Variants in CD74 observed in about 807,000 individuals in gnomAD.
CD74 encodes HLA class II histocompatibility antigen gamma chain.
A neutral mutation model predicts 37.1 loss-of-function variants in CD74; 20 were observed. The ratio of observed to expected loss-of-function variants is 0.54; its 90% CI spans 0.38 to 0.78. The LOEUF is 0.78. Among genes scored for constraint, CD74 ranks in the 30% least tolerant of loss-of-function variants. The pLI is 0.00. For synonymous variants in CD74, 150 were observed against 152.0 expected (o/e 0.99, Z 0.10); for missense variants, 338 against 389.5 (o/e 0.87, Z 1.11).
chr5:150,401,721 G>T lies in CD74; in HGVS notation c.*519C>A. 1 of 580,836 alleles carries T rather than the reference G, an allele frequency of 1.7e-6. No homozygotes were observed. Among genetic ancestry groups the T allele is most frequent in the African/African-American group, 1.9e-5 (1 of 53,646 alleles). 36.0% of individuals were successfully genotyped at this position (580,836 alleles called of 1,614,324 possible). ...CTTGGCTGAGCAGAGGGAACTAGGG[G>T]TCGGCAGAAAGGATTATGGGTGGAA... On this transcript the variant is annotated 3_prime_UTR_variant, in exon 9 of 9. Coordinates refer to ENST00000009530, the MANE Select transcript of CD74 (RefSeq NM_001025159.3).
rs2151170662 is a variant in CD74, at chr5:150,403,385, C to T, written c.626-73G>A. ...ACCAGGGTCTGAGCAGAGCTAAAGA[C>T]CCACACACCACTGCTGTGGGCTTAA... On this transcript the variant is annotated intron_variant, in intron 6 of 8. Coordinates refer to ENST00000009530, the MANE Select transcript of CD74 (RefSeq NM_001025159.3). The surrounding 1 kb of genome is among the most constrained non-coding windows in gnomAD (Gnocchi z 4.5). 7.5e-7 allele frequency: 1 copy of T among 1,327,016 alleles called. No homozygotes were observed. 82.2% of individuals were successfully genotyped at this position (1,327,016 alleles called of 1,614,324 possible).
chr5:150,403,637 T>A lies in CD74; in HGVS notation c.626-325A>T, dbSNP rs553723780. On this transcript the variant is annotated intron_variant, in intron 6 of 8. Coordinates refer to ENST00000009530, the MANE Select transcript of CD74 (RefSeq NM_001025159.3). This position sits in a 1 kb window ranked among gnomAD's most constrained non-coding sequence, Gnocchi z 4.5. ...ACTTTGGGAGGCCGAGGTGGGCGGA[T>A]CACTTGAGGTCAGGAGTTCAAGACC... is the stretch of plus-strand genomic sequence containing the variant. Among the ~76,000 whole-genome samples, 8 of 152,308 alleles carry A rather than the reference T, an allele frequency of 5.3e-5. No individual in the cohort carries two copies. In the South Asian group the frequency reaches 1.7e-3, roughly 32 times the overall value.
In CD74 at chr5:150,403,049, A is replaced by AG; in HGVS notation, c.817+71dup. 2 of 1,353,772 alleles carry AG rather than the reference A, an allele frequency of 1.5e-6. No individual in the cohort carries two copies. The highest frequency in any genetic ancestry group is 2.0e-6 in the Non-Finnish European group (2 of 977,626). The allele number at this position is 1,353,772 out of a possible 1,614,324, so 83.9% of individuals were successfully genotyped here. ...GGTGTCCTGGTCCCATGTGCTTCAG[A>AG]GGGGACCTCTTGCCCCTCAACCTTC... On this transcript the variant is annotated intron_variant, in intron 7 of 8. Transcript: ENST00000009530. This position sits in a 1 kb window ranked among gnomAD's most constrained non-coding sequence, Gnocchi z 4.5.
chr5:150,406,007 G>A (rs1436236463), intron 4 of CD74: 3 of 372,982 alleles, frequency 8.0e-6, no homozygotes, highest in African/African-American at 4.1e-5. Flanking sequence ...CTGGCCTCAG[G>A]TGATCTGCCT....
intron 3 of CD74, 26 bp from the exon 4 acceptor site, chr5:150,406,347 A>G (rs1226421605): frequency 1.1e-5 from 17 of 1,600,262 alleles, no homozygotes; most frequent in Non-Finnish European, 1.5e-5. Context: ...ACAGAAGGTT[A>G]CCAGAGCTGG....
chr5:150,409,711 A>C (rs1244918516), intron 1 of CD74, among the ~76,000 whole-genome samples: 1 of 150,224 alleles, frequency 6.7e-6, no homozygotes, highest in African/African-American at 2.4e-5. Context: ...TAACAAAAAA[A>C]AAAAAAAAAA....
intron 6 of CD74, among the ~76,000 whole-genome samples, chr5:150,404,065 C>T (rs901008186): frequency 3.3e-5 from 5 of 152,156 alleles, no homozygotes; most frequent in African/African-American, 1.2e-4. Context: ...ATGTAAGGTG[C>T]CTTCTATGAA....
At position 150,402,589 on chromosome 5, in the gene CD74, C is replaced by G. The variant is rs1405565809; in HGVS notation, c.854G>C (p.Gly285Ala). ...TGGGCCCAGATCCTGCTTGGTCACA[C>G]CCAGCCCAGAAGACGGGTCCTCCAG... is the stretch of plus-strand genomic sequence containing the variant. ...LELEDPSSGL[G>A]VTKQDLGPVP... Residue 285 changes from glycine to alanine, a missense_variant, in exon 8 of 9, where the codon GGT becomes GCT. Physicochemically the swap from Gly to Ala is moderately conservative, Grantham distance 60. Coordinates refer to ENST00000009530, the MANE Select transcript of CD74 (RefSeq NM_001025159.3). This position sits in a 1 kb window ranked among gnomAD's most constrained non-coding sequence, Gnocchi z 4.2. The G allele has an allele frequency of 2.5e-6, 4 of 1,613,770 alleles. No homozygotes were observed. The highest frequency in any genetic ancestry group is 3.4e-6 in the Non-Finnish European group (4 of 1,179,844).
In CD74 at chr5:150,403,634, G is replaced by A. The variant is rs1459517929; in HGVS notation, c.626-322C>T. ...AGCACTTTGGGAGGCCGAGGTGGGC[G>A]GATCACTTGAGGTCAGGAGTTCAAG... On this transcript the variant is annotated intron_variant, in intron 6 of 8. Coordinates refer to ENST00000009530, the MANE Select transcript of CD74 (RefSeq NM_001025159.3). The surrounding 1 kb of genome is among the most constrained non-coding windows in gnomAD (Gnocchi z 4.5). 2.0e-5 allele frequency among the ~76,000 whole-genome samples: 3 copies of A among 152,140 alleles called. No individual in the cohort carries two copies. The highest frequency in any genetic ancestry group is 4.4e-5 in the Non-Finnish European group (3 of 68,010).
At position 150,407,038 on chromosome 5, in the gene CD74, G is replaced by T. The variant is rs1462768663; in HGVS notation, c.299-78C>A. The T allele has an allele frequency of 6.5e-7, 1 of 1,534,374 alleles. No homozygotes were observed. Among genetic ancestry groups the T allele is most frequent in the Non-Finnish European group, 8.9e-7 (1 of 1,122,334 alleles). ...TATCAGACCCAGATGAGGAAGGGCT[G>T]GAATTCCAAACCGGAGGGAGAGGAC... On this transcript the variant is annotated intron_variant, in intron 2 of 8. Transcript: ENST00000009530. The surrounding 1 kb of genome is among the most constrained non-coding windows in gnomAD (Gnocchi z 4.4).
At chr5:150,412,098 G>A (rs1770372861) in intron 1 of CD74, among the ~76,000 whole-genome samples, 1 of 152,192 alleles carries the variant, frequency 6.6e-6, no homozygotes, top group African/African-American at 2.4e-5. Flanking sequence ...CCAAGTAGGT[G>A]GGATTACAGG....
chr5:150,401,751 T>C lies in CD74; in HGVS notation c.*489A>G. 1 of 596,910 alleles carries C rather than the reference T, an allele frequency of 1.7e-6. No homozygotes were observed. The highest frequency in any genetic ancestry group is 3.0e-6 in the Non-Finnish European group (1 of 334,816). 37.0% of individuals were successfully genotyped at this position (596,910 alleles called of 1,614,324 possible). On this transcript the variant is annotated 3_prime_UTR_variant, in exon 9 of 9. Transcript: ENST00000009530. ...CAGAAAGGATTATGGGTGGAAAACA[T>C]TGGCTCTTCCTTGGGGAGTGATGCT...
intron 1 of CD74, among the ~76,000 whole-genome samples, chr5:150,412,403 G>A (rs1770396334): frequency 2.0e-5 from 3 of 152,248 alleles, no homozygotes; most frequent in Admixed American, 2.0e-4. Flanking sequence ...TGCAAGGAAA[G>A]TTACAAACTC....
intron 4 of CD74, chr5:150,405,761 TTTTTTA>T (rs1357618975): frequency 6.4e-6 from 1 of 155,936 alleles, no homozygotes; most frequent in Non-Finnish European, 1.4e-5. Flanking sequence ...CTCAGTTTCT[TTTTTTA>T]TTTTTATTTT....
intron 1 of CD74, among the ~76,000 whole-genome samples, chr5:150,409,370 T>C (rs1770195048): frequency 6.6e-6 from 1 of 150,552 alleles, no homozygotes; most frequent in African/African-American, 2.5e-5. Flanking sequence ...CTACTAAAAA[T>C]GCAAAAATTA....
At chr5:150,406,238 C>T (rs1468790864) in intron 4 of CD74, 21 bp downstream of exon 4, 1 of 1,608,418 alleles carries the variant, frequency 6.2e-7, no homozygotes, top group Admixed American at 1.7e-5. Context: ...CAGGACCACC[C>T]AGCTAGCTCC....
At position 150,408,919 on chromosome 5, in the gene CD74, T is replaced by A. The variant is rs559752537; in HGVS notation, c.126-1595A>T. Among the ~76,000 whole-genome samples, 4 of 152,186 alleles carry A rather than the reference T, an allele frequency of 2.6e-5. No individual in the cohort carries two copies. The East Asian group carries it at 7.7e-4, about 29-fold the overall frequency. On this transcript the variant is annotated intron_variant, in intron 1 of 8. Coordinates refer to ENST00000009530, the MANE Select transcript of CD74 (RefSeq NM_001025159.3). The stretch of plus-strand genomic sequence containing the variant: ...CTGCCTTCCACCATATGAGGACACA[T>A]CAAGGAAGCCCCTCACCAGGCTGGG...
Position 150,406,281 on chromosome 5 carries a change from T to C in CD74, c.419A>G (p.Asp140Gly). The change falls in exon 4 of 9, where the codon GAC becomes GGC. Residue 140 changes from aspartate to glycine, a missense_variant. By Grantham distance (94) the Asp-to-Gly change is moderately conservative. Coordinates refer to ENST00000009530, the MANE Select transcript of CD74 (RefSeq NM_001025159.3). Reference protein sequence around the residue: ...NATKYGNMTEDHVMHLLQNAD... With the variant: ...NATKYGNMTEGHVMHLLQNAD... ...CACCTGGAGCAGGTGCATCACATGG[T>C]CCTCTGTCATGTTGCCATACTTGGT... 1 of 1,613,906 alleles carries C rather than the reference T, an allele frequency of 6.2e-7. No individual in the cohort carries two copies. The highest frequency in any genetic ancestry group is 8.5e-7 in the Non-Finnish European group (1 of 1,179,902).
At position 150,402,055 on chromosome 5, in the gene CD74, G is replaced by T. The variant is rs1333879946; in HGVS notation, c.*185C>A. The stretch of plus-strand genomic sequence containing the variant: ...GATGGAGATTGGGCAGCAGGGCCTT[G>T]CTGCATTGTTATCTGCTGTTCCGAC... On this transcript the variant is annotated 3_prime_UTR_variant, in exon 9 of 9. Transcript: ENST00000009530. This position sits in a 1 kb window ranked among gnomAD's most constrained non-coding sequence, Gnocchi z 4.2. The T allele has an allele frequency of 1.1e-5, 17 of 1,538,036 alleles. No individual in the cohort carries two copies. The highest frequency in any genetic ancestry group is 1.5e-5 in the Non-Finnish European group (17 of 1,146,844).
Sources: allele counts gnomAD v4.1 joint callset (sites outside exome capture counted in the v4.1 genomes callset), GRCh38; gene constraint gnomAD v4.1.1; non-coding constraint Gnocchi (gnomAD v3.1); transcripts MANE v1.5; gene names NCBI Gene and HGNC (gene_info 2026-07-23, HGNC 2026-07-21).